CXADR: variants seen among roughly 807,000 people sequenced by gnomAD.
The protein encoded by CXADR is coxsackievirus and adenovirus receptor.
A neutral mutation model predicts 40.3 loss-of-function variants in CXADR; 20 were observed. That is an observed-to-expected ratio of 0.50 (90% CI 0.35 to 0.72). CXADR has a LOEUF of 0.72. Among genes scored for constraint, CXADR ranks in the 30% least tolerant of loss-of-function variants. CXADR has a pLI of 0.01. For missense variants in CXADR, 332 were observed against 449.1 expected (o/e 0.74, Z 2.36); for synonymous variants, 150 against 161.3 (o/e 0.93, Z 0.53).
At chr21:17,609,718 T>G in the CXADR span, among the ~76,000 whole-genome samples, 1 of 152,156 alleles carries the variant, frequency 6.6e-6, no homozygotes, top group African/African-American at 2.4e-5. Context: ...TGTACAGAAA[T>G]GCCCATAGCA....
chr21:17,594,580 T>C (rs2061479922), downstream of CXADR, among the ~76,000 whole-genome samples: 1 of 152,008 alleles, frequency 6.6e-6, no homozygotes, highest in African/African-American at 2.4e-5. Context: ...CCTAAACAAC[T>C]TCAACCAAAA....
chr21:17,607,761 A>G, the CXADR span, among the ~76,000 whole-genome samples: 19 of 152,222 alleles, frequency 1.2e-4, no homozygotes, highest in Admixed American at 1.2e-3. Context: ...AGTTATCACT[A>G]TAGTCACTGT....
chr21:17,622,829 A>G, the CXADR span, among the ~76,000 whole-genome samples: 1 of 152,228 alleles, frequency 6.6e-6, no homozygotes, highest in Non-Finnish European at 1.5e-5. Context: ...CATAAATATA[A>G]TATAAAAAGG....
At chr21:17,536,901 C>G (rs556209202) in intron 1 of CXADR, among the ~76,000 whole-genome samples, 2 of 152,036 alleles carry the variant, frequency 1.3e-5, no homozygotes, top group African/African-American at 2.4e-5. Flanking sequence ...GGACTACAGG[C>G]GCCCACCACC....
Position 17,536,741 on chromosome 21 carries a change from CAAGT to C in CXADR, c.44-10283_44-10280del, listed in dbSNP as rs1454803051. Among the ~76,000 whole-genome samples the C allele has an allele frequency of 1.9e-4, 29 of 152,134 alleles. No homozygotes were observed. The East Asian group carries it at 5.6e-3, about 29-fold the overall frequency. ...CAGGGGAACTTCTGAGATGAGCTGA[CAAGT>C]AAAGTGCATTATTTATTTTTTTTCT... On this transcript the variant is annotated intron_variant, in intron 1 of 6. Coordinates refer to ENST00000284878, the MANE Select transcript of CXADR (RefSeq NM_001338.5).
At chr21:17,562,343 A>G (rs1350574019) in intron 6 of CXADR, among the ~76,000 whole-genome samples, 1 of 152,128 alleles carries the variant, frequency 6.6e-6, no homozygotes, top group Non-Finnish European at 1.5e-5. Flanking sequence ...TTTCTGAGAC[A>G]AGGTCTCGCT....
chr21:17,513,255 TG>T, intron 1 of CXADR, 83 bp downstream of exon 1: 2 of 1,252,058 alleles, frequency 1.6e-6, no homozygotes, highest in South Asian at 2.5e-5. Flanking sequence ...CAATGGGGCG[TG>T]GGGGAGGGGG....
intron 1 of CXADR, among the ~76,000 whole-genome samples, chr21:17,520,199 G>A (rs2060513266): frequency 6.6e-6 from 1 of 152,144 alleles, no homozygotes; most frequent in Admixed American, 6.5e-5. Flanking sequence ...AAAGCCATGT[G>A]CCAGGTGCCC....
intron 1 of CXADR, among the ~76,000 whole-genome samples, chr21:17,533,488 T>C (rs1173357524): frequency 6.6e-6 from 1 of 152,190 alleles, no homozygotes; most frequent in Non-Finnish European, 1.5e-5. Flanking sequence ...ACAGAGTGAG[T>C]GTGGCTCCAG....
Position 17,551,897 on chromosome 21 carries a change from G to A in CXADR, c.359G>A (p.Cys120Tyr). The change falls in exon 3 of 7, where the codon TGC (cysteine) becomes TAC (tyrosine). Residue 120 changes from cysteine (C) to tyrosine (Y), a missense_variant. By Grantham distance (194) the Cys-to-Tyr change is radical. Transcript: ENST00000284878. ...LQLSDIGTYQ[C>Y]KVKKAPGVAN... ...CTGTCAGATATTGGCACATATCAGT[G>A]CAAAGTGAAAAAAGCTCCTGGTGTT... The A allele has an allele frequency of 6.2e-7, 1 of 1,613,950 alleles. No individual in the cohort carries two copies. The highest frequency in any genetic ancestry group is 8.5e-7 in the Non-Finnish European group (1 of 1,179,892).
At position 17,590,408 on chromosome 21, in the gene CXADR, A is replaced by T. The variant is rs182818789; in HGVS notation, c.1018-2744A>T. The stretch of plus-strand genomic sequence containing the variant: ...CCACTTTTGTCCTTATGTTACCCTT[A>T]AAAGTATACATGAAAGAACAAAGGA... On this transcript the variant is annotated intron_variant, in intron 7 of 7. Transcript: ENST00000400169. Among the ~76,000 whole-genome samples the T allele has an allele frequency of 6.0e-4, 92 of 152,204 alleles. 1 individual carries two copies. The East Asian group carries it at 0.017, about 29-fold the overall frequency.
chr21:17,611,357 A>T, the CXADR span, among the ~76,000 whole-genome samples: 1 of 152,124 alleles, frequency 6.6e-6, no homozygotes, highest in Non-Finnish European at 1.5e-5. Flanking sequence ...TATGTGCCAC[A>T]TATCTGAGTT....
At chr21:17,598,526 CAG>C (rs1330872808), downstream of CXADR, 2 of 1,097,004 alleles carry the variant, frequency 1.8e-6, no homozygotes, top group African/African-American at 1.6e-5. Context: ...AATCTCAAGT[CAG>C]AAACCTTGGG....
intron 3 of CXADR, 25 bp from the exon 4 acceptor site, chr21:17,558,951 A>G: frequency 6.3e-7 from 1 of 1,591,838 alleles, no homozygotes; most frequent in South Asian, 1.2e-5. Flanking sequence ...TCTTATGTAA[A>G]TTTATAATTT....
At chr21:17,571,530 A>G (rs1333718022), downstream of CXADR, among the ~76,000 whole-genome samples, 2 of 152,222 alleles carry the variant, frequency 1.3e-5, no homozygotes, top group African/African-American at 2.4e-5. Context: ...AACATTGGGT[A>G]TGAAGTAACT....
At chr21:17,558,009 G>A (rs563300351) in intron 3 of CXADR, among the ~76,000 whole-genome samples, 1 of 152,256 alleles carries the variant, frequency 6.6e-6, no homozygotes, top group East Asian at 1.9e-4. Flanking sequence ...ATTGGGGTGA[G>A]TTGCAGGTAA....
intron 2 of CXADR, among the ~76,000 whole-genome samples, chr21:17,548,306 A>G (rs2060923964): frequency 1.3e-5 from 2 of 152,154 alleles, no homozygotes; most frequent in African/African-American, 4.8e-5. Context: ...TGTTAAGGAA[A>G]TAATTAAGGT....
At chr21:17,612,787 C>A in the CXADR span, 1 of 152,204 alleles carries the variant, frequency 6.6e-6, no homozygotes, top group African/African-American at 2.4e-5. Flanking sequence ...TCAACGGGCC[C>A]GCGCTGGGCA....
chr21:17,551,875 T>C lies in CXADR; in HGVS notation c.337T>C (p.Ser113Pro), dbSNP rs777795666. Residue 113 changes from serine to proline, a missense_variant, in exon 3 of 7, where the codon TCA (serine) becomes CCA (proline). Physicochemically the swap from Ser to Pro is moderately conservative, Grantham distance 74. Coordinates refer to ENST00000284878, the MANE Select transcript of CXADR (RefSeq NM_001338.5). Reference protein sequence around the residue: ...ASINVTNLQLSDIGTYQCKVK... With the variant: ...ASINVTNLQLPDIGTYQCKVK... Reference sequence around the variant, plus strand: ...AATAAATGTAACGAATTTACAACTGTCAGATATTGGCACATATCAGTGCAA... The same window carrying C: ...AATAAATGTAACGAATTTACAACTGCCAGATATTGGCACATATCAGTGCAA... The C allele has an allele frequency of 6.2e-7, 1 of 1,613,962 alleles. No individual in the cohort carries two copies. Among genetic ancestry groups the C allele is most frequent in the Admixed American group, 1.7e-5 (1 of 60,014 alleles).
Sources: gnomAD v4.1 joint callset for allele counts (sites outside exome capture counted in the v4.1 genomes callset) on GRCh38, gnomAD v4.1.1 for gene constraint, MANE v1.5 for transcripts, NCBI Gene and HGNC (gene_info 2026-07-23, HGNC 2026-07-21) for gene names.